The following ALMS1 variants were observed in gnomAD, a reference collection of about 807,000 sequenced individuals.
ALMS1 encodes ALMS1 centrosome and basal body associated protein.
Under a neutral mutation model 352.2 loss-of-function variants are expected in ALMS1, and 271 were observed. The observed-to-expected ratio is 0.77, with a 90% confidence interval of 0.70 to 0.85. The LOEUF is 0.85. Among genes scored for constraint, ALMS1 ranks in the 40% least tolerant of loss-of-function variants. The probability of loss-of-function intolerance (pLI) is 0.00; values close to 1 mark genes in which losing one functional copy is unlikely to be tolerated. For missense variants in ALMS1, 5,445 were observed against 4,870.7 expected (o/e 1.12, Z -3.51); for synonymous variants, 1,865 against 1,761.2 (o/e 1.06, Z -1.48).
intron 9 of ALMS1, among the ~76,000 whole-genome samples, chr2:73,467,173 A>T (rs1239894700): frequency 6.6e-6 from 1 of 152,156 alleles, no homozygotes; most frequent in Non-Finnish European, 1.5e-5. Context: ...AATGGTAATC[A>T]AAAGGCAGCA....
At chr2:73,390,303 C>T (rs1670619203) in intron 1 of ALMS1, among the ~76,000 whole-genome samples, 1 of 152,084 alleles carries the variant, frequency 6.6e-6, no homozygotes, top group Non-Finnish European at 1.5e-5. Context: ...CTATGAAATT[C>T]TTAGATGTGT....
At chr2:73,606,878 G>A (rs1337539574) in intron 21 of ALMS1, among the ~76,000 whole-genome samples, 1 of 152,182 alleles carries the variant, frequency 6.6e-6, no homozygotes, top group African/African-American at 2.4e-5. Flanking sequence ...AGGTTCCCGT[G>A]AGAAGGAAAG....
intron 12 of ALMS1, among the ~76,000 whole-genome samples, chr2:73,543,586 A>G (rs998993547): frequency 3.3e-5 from 5 of 152,248 alleles, no homozygotes; most frequent in African/African-American, 9.6e-5. Flanking sequence ...GGCAACCTAC[A>G]GAATGGGAGA....
At chr2:73,469,621 G>A (rs1672428400) in intron 9 of ALMS1, 1 of 151,846 alleles carries the variant, frequency 6.6e-6, no homozygotes, top group African/African-American at 2.4e-5. Flanking sequence ...TGGCTTCCAA[G>A]AAAAGTACCT....
At chr2:73,456,794 A>G (rs1228763553) in intron 9 of ALMS1, 1 of 152,244 alleles carries the variant, frequency 6.6e-6, no homozygotes, top group African/African-American at 2.4e-5. Flanking sequence ...CACCATTTGT[A>G]TATATGCTGC....
intron 7 of ALMS1, among the ~76,000 whole-genome samples, chr2:73,434,981 A>T (rs1203835918): frequency 2.0e-5 from 3 of 152,032 alleles, no homozygotes; most frequent in Non-Finnish European, 4.4e-5. Flanking sequence ...TTGACCTTTT[A>T]ATTGTTATAA....
chr2:73,487,586 C>T (rs1463365636), intron 9 of ALMS1, among the ~76,000 whole-genome samples: 1 of 152,196 alleles, frequency 6.6e-6, no homozygotes, highest in Non-Finnish European at 1.5e-5. Flanking sequence ...TTCCCTGCAA[C>T]ATGGCAGGCG....
Position 73,490,138 on chromosome 2 carries a change from T to G in ALMS1, c.8179T>G (p.Ser2727Ala), listed in dbSNP as rs1396797368. Residue 2727 changes from serine to alanine, a missense_variant, in exon 10 of 23, where the codon TCC (serine) becomes GCC (alanine). Coordinates refer to ENST00000613296, the MANE Select transcript of ALMS1 (RefSeq NM_001378454.1). The part of the protein sequence containing the change: ...FSSHRHSKCI[S>A]NSSVVKVGVT... ...ATCTCACCGACATTCTAAATGCATT[T>G]CCAATTCCTCTGTTGTTAAGGTTGG... The G allele has an allele frequency of 6.2e-7, 1 of 1,614,062 alleles. No individual in the cohort carries two copies. Among genetic ancestry groups the G allele is most frequent in the African/African-American group, 1.3e-5 (1 of 74,920 alleles).
chr2:73,471,827 A>G (rs1672474504), intron 9 of ALMS1, among the ~76,000 whole-genome samples: 1 of 152,020 alleles, frequency 6.6e-6, no homozygotes, highest in Non-Finnish European at 1.5e-5. Context: ...AAAAATAAGA[A>G]TAGAATTACC....
Position 73,490,819 on chromosome 2 carries a change from G to A in ALMS1, c.8860G>A (p.Asp2954Asn), listed in dbSNP as rs1672965728. 6.2e-7 allele frequency: 1 copy of A among 1,613,976 alleles called. No homozygotes were observed. Among genetic ancestry groups the A allele is most frequent in the Non-Finnish European group, 8.5e-7 (1 of 1,180,000 alleles). Residue 2954 changes from aspartate to asparagine, a missense_variant, in exon 10 of 23, where the codon GAT becomes AAT. Asp to Asn is a conservative substitution (Grantham distance 23, BLOSUM62 1). Coordinates refer to ENST00000613296, the MANE Select transcript of ALMS1 (RefSeq NM_001378454.1). ...ENHSPLPQGQ[D>N]SIASDLPSPI... The stretch of plus-strand genomic sequence containing the variant: ...CCATTCTCCCCTTCCTCAAGGTCAG[G>A]ATTCTATAGCTTCAGACCTTCCGTC...
At position 73,422,980 on chromosome 2, in the gene ALMS1, A is replaced by G. The variant is rs773514737; in HGVS notation, c.764+6A>G. 3 of 1,593,590 alleles carry G rather than the reference A, an allele frequency of 1.9e-6. No homozygotes were observed. The South Asian group carries it at 3.3e-5, about 18-fold the overall frequency. On this transcript the variant is annotated splice_donor_region_variant and intron_variant, in intron 4 of 22. Coordinates refer to ENST00000613296, the MANE Select transcript of ALMS1 (RefSeq NM_001378454.1). ...CTAAGTTTTGCACCTCTGAGGTAGG[A>G]TGATTTATTTGCATGTAACCTTTCT...
chr2:73,559,043 A>C lies in ALMS1; in HGVS notation c.10285A>C (p.Thr3429Pro), dbSNP rs762108653. 2 of 1,613,970 alleles carry C rather than the reference A, an allele frequency of 1.2e-6. No homozygotes were observed. The highest frequency in any genetic ancestry group is 1.3e-5 in the African/African-American group (1 of 74,908). ...CCCAGAAATGAAGAACTTGCCAGAC[A>C]CTAAAGCCATTACACAGAAAGAGGA... ...GDPEMKNLPD[T>P]KAITQKEEIH... The change falls in exon 15 of 23, where the codon ACT becomes CCT. Residue 3429 changes from threonine (T) to proline (P), a missense_variant. Coordinates refer to ENST00000613296, the MANE Select transcript of ALMS1 (RefSeq NM_001378454.1).
intron 16 of ALMS1, among the ~76,000 whole-genome samples, chr2:73,589,775 T>C (rs1434619009): frequency 6.6e-6 from 1 of 152,134 alleles, no homozygotes; most frequent in East Asian, 1.9e-4. Context: ...TCCTGTCAGT[T>C]CCCCAGCACC....
At chr2:73,555,773 A>G (rs1674528426) in intron 13 of ALMS1, among the ~76,000 whole-genome samples, 1 of 152,208 alleles carries the variant, frequency 6.6e-6, no homozygotes, top group South Asian at 2.1e-4. Flanking sequence ...GTTGATCAAC[A>G]GAGGTGTATT....
chr2:73,607,810 ATTT>A (rs537392249), intron 21 of ALMS1, among the ~76,000 whole-genome samples: 4 of 131,442 alleles, frequency 3.0e-5, no homozygotes, highest in Admixed American at 7.6e-5. Context: ...TGCCCACCTA[ATTT>A]TTTTTTTTTT....
At chr2:73,555,368 A>G (rs1173827268) in intron 13 of ALMS1, among the ~76,000 whole-genome samples, 1 of 152,222 alleles carries the variant, frequency 6.6e-6, no homozygotes, top group Non-Finnish European at 1.5e-5. Flanking sequence ...AGAAAGGATG[A>G]AGAGGAACTA....
intron 7 of ALMS1, among the ~76,000 whole-genome samples, chr2:73,447,296 T>G (rs928177751): frequency 6.6e-6 from 1 of 152,182 alleles, no homozygotes; most frequent in Non-Finnish European, 1.5e-5. Flanking sequence ...CCCTTCTCAC[T>G]CATCTTGAAA....
In ALMS1 at chr2:73,489,632, A is replaced by G. The variant is rs748477695; in HGVS notation, c.7675-2A>G. The stretch of plus-strand genomic sequence containing the variant: ...AAGAACCTGTTTGTTTGTATCTTCT[A>G]GGGTTTACAGAGTCCACGGGGAATG... On this transcript the variant is annotated splice_acceptor_variant, in intron 9 of 22. Transcript: ENST00000613296. LOFTEE classifies it high-confidence loss of function. 4 of 1,614,016 alleles carry G rather than the reference A, an allele frequency of 2.5e-6. No individual in the cohort carries two copies. Among genetic ancestry groups the G allele is most frequent in the Non-Finnish European group, 2.5e-6 (3 of 1,180,032 alleles).
chr2:73,449,305 T>G lies in ALMS1; in HGVS notation c.2778T>G (p.Leu926=). 6.2e-7 allele frequency: 1 copy of G among 1,614,066 alleles called. No homozygotes were observed. The change falls in exon 8 of 23, where the codon CTT becomes CTG. Residue 926 remains leucine (L), a synonymous_variant. Transcript: ENST00000613296. The part of the protein sequence containing the change: ...IFSQQTLPDF[L]FPEEALKVSA... ...CCCAGCAGACCCTGCCAGACTTTCT[T>G]TTCCCTGAAGAAGCTCTGAAGGTTT...
Sources: allele counts gnomAD v4.1 joint callset (sites outside exome capture counted in the v4.1 genomes callset), GRCh38; gene constraint gnomAD v4.1.1; transcripts MANE v1.5; gene names NCBI Gene and HGNC (gene_info 2026-07-23, HGNC 2026-07-21).